The following MAGI2 variants were observed in gnomAD, a reference collection of about 807,000 sequenced individuals.
MAGI2 encodes the protein membrane-associated guanylate kinase, WW and PDZ domain-containing protein 2.
A neutral mutation model predicts 133.3 loss-of-function variants in MAGI2; 35 were observed. The observed-to-expected ratio is 0.26, with a 90% confidence interval of 0.20 to 0.35. MAGI2 has a LOEUF of 0.35. MAGI2 is among the 10% of genes least tolerant of loss of function. The probability of loss-of-function intolerance (pLI) is 1.00; values close to 1 mark genes in which losing one functional copy is unlikely to be tolerated. For synonymous variants in MAGI2, 729 were observed against 710.6 expected, an observed-to-expected ratio of 1.03 and a Z score of -0.41; for missense variants, 1,636 against 1,863.4, an observed-to-expected ratio of 0.88 and a Z score of 2.25.
In MAGI2 at chr7:79,219,056, A is replaced by G. The variant is rs189548355; in HGVS notation, c.302-211850T>C. ...TTGCATGCAACTAAGAACATTACCAATAGCATTTTCTTTTGAAATACTAAT... is the reference window on the plus strand; with the variant it reads ...TTGCATGCAACTAAGAACATTACCAGTAGCATTTTCTTTTGAAATACTAAT... On this transcript the variant is annotated intron_variant, in intron 1 of 21. Coordinates refer to ENST00000354212, the MANE Select transcript of MAGI2 (RefSeq NM_012301.4). 4.0e-4 allele frequency among the ~76,000 whole-genome samples: 61 copies of G among 152,196 alleles called. No homozygotes were observed. The East Asian group carries it at 0.011, about 28-fold the overall frequency.
At chr7:79,438,656 T>C (rs1482804768) in intron 1 of MAGI2, among the ~76,000 whole-genome samples, 2 of 152,012 alleles carry the variant, frequency 1.3e-5, no homozygotes, top group Non-Finnish European at 2.9e-5. Context: ...GCCTAGTGCC[T>C]CCCCTTCACC....
intron 2 of MAGI2, among the ~76,000 whole-genome samples, chr7:78,858,654 G>A (rs925075275): frequency 4.6e-5 from 7 of 152,158 alleles, no homozygotes; most frequent in Non-Finnish European, 7.3e-5. Flanking sequence ...CATTTGCTGA[G>A]GACTGCTTTA....
chr7:79,207,253 C>G (rs369150316), intron 1 of MAGI2, among the ~76,000 whole-genome samples: 1 of 151,834 alleles, frequency 6.6e-6, no homozygotes, highest in African/African-American at 2.4e-5. Context: ...TAAAAGTGAT[C>G]CAAATTGGAA....
chr7:78,231,702 T>A (rs1466576545), intron 10 of MAGI2, among the ~76,000 whole-genome samples: 1 of 152,138 alleles, frequency 6.6e-6, no homozygotes, highest in Admixed American at 6.5e-5. Context: ...ACACCTGAAG[T>A]AAACAAGCTC....
chr7:79,070,064 A>C (rs1159887767), intron 1 of MAGI2, among the ~76,000 whole-genome samples: 1 of 152,072 alleles, frequency 6.6e-6, no homozygotes, highest in Non-Finnish European at 1.5e-5. Context: ...ACCTTTGTGA[A>C]TCTAATGATT....
At chr7:78,480,472 A>G (rs950782855) in intron 6 of MAGI2, among the ~76,000 whole-genome samples, 2 of 151,900 alleles carry the variant, frequency 1.3e-5, no homozygotes, top group Non-Finnish European at 2.9e-5. Flanking sequence ...ACACATAGAC[A>G]CAAAAATCCT....
intron 1 of MAGI2, among the ~76,000 whole-genome samples, chr7:79,076,925 C>T (rs17151932): frequency 0.036 from 5,523 of 152,196 alleles, 216 homozygotes; most frequent in African/African-American, 0.097. Flanking sequence ...GTTAGAAGGG[C>T]AATTCCTGGT....
chr7:78,393,397 C>T lies in MAGI2; in HGVS notation c.1046-24184G>A, dbSNP rs544315675. Among the ~76,000 whole-genome samples, 15 of 152,282 alleles carry T rather than the reference C, an allele frequency of 9.9e-5. No homozygotes were observed. In the East Asian group the frequency reaches 2.9e-3, roughly 29 times the overall value. ...AGTTAGTTTCTGTGGGCAGCTGTGG[C>T]AGTTTGGCCAGAGACAGCAGTGTCT... On this transcript the variant is annotated intron_variant, in intron 6 of 21. Coordinates refer to ENST00000354212, the MANE Select transcript of MAGI2 (RefSeq NM_012301.4).
chr7:78,067,756 TGACTGAAGGTC>T lies in MAGI2; in HGVS notation c.3706+11180_3706+11190del, dbSNP rs759391339. On this transcript the variant is annotated intron_variant, in intron 21 of 21. Transcript: ENST00000354212. ...CATTATATGACTTTATTTCTGATCC[TGACTGAAGGTC>T]TATAGTTAAATATTGGGAGTTCTTA... 4.6e-5 allele frequency among the ~76,000 whole-genome samples: 7 copies of T among 152,376 alleles called. No homozygotes were observed. In the South Asian group the frequency reaches 6.2e-4, roughly 14 times the overall value.
chr7:78,555,765 T>G (rs771683979), intron 3 of MAGI2, among the ~76,000 whole-genome samples: 55 of 152,178 alleles, frequency 3.6e-4, no homozygotes, highest in Non-Finnish European at 7.1e-4. Flanking sequence ...TTTTAGTCAA[T>G]GACTACACTT....
intron 2 of MAGI2, among the ~76,000 whole-genome samples, chr7:78,661,793 C>T (rs1015340311): frequency 9.9e-5 from 15 of 152,276 alleles, no homozygotes; most frequent in African/African-American, 3.6e-4. Flanking sequence ...GCTACTTCTG[C>T]CAACTCATAA....
At chr7:79,136,255 A>T (rs1387648487) in intron 1 of MAGI2, among the ~76,000 whole-genome samples, 1 of 152,210 alleles carries the variant, frequency 6.6e-6, no homozygotes, top group East Asian at 1.9e-4. Context: ...ACTATGTACA[A>T]GGTAAAAGGT....
intron 3 of MAGI2, among the ~76,000 whole-genome samples, chr7:78,580,714 A>G (rs1336923568): frequency 6.6e-6 from 1 of 152,214 alleles, no homozygotes; most frequent in Non-Finnish European, 1.5e-5. Flanking sequence ...ATGCCTACGT[A>G]TAGCCCATTC....
At chr7:79,171,098 C>T (rs952771826) in intron 1 of MAGI2, among the ~76,000 whole-genome samples, 3 of 152,082 alleles carry the variant, frequency 2.0e-5, no homozygotes, top group Non-Finnish European at 4.4e-5. Context: ...GCTGCCATTA[C>T]AAAGTACCAT....
chr7:79,167,594 G>A (rs2191809), intron 1 of MAGI2, among the ~76,000 whole-genome samples: 8,857 of 151,366 alleles, frequency 0.059, 506 homozygotes, highest in East Asian at 0.15. Context: ...TCATTGTTAC[G>A]TGGTGAAATA....
At chr7:78,344,223 A>G (rs1308993113) in intron 8 of MAGI2, among the ~76,000 whole-genome samples, 3 of 152,214 alleles carry the variant, frequency 2.0e-5, no homozygotes, top group East Asian at 3.9e-4. Flanking sequence ...GTTTCCACTC[A>G]TTAAGTTAGC....
At chr7:78,359,742 A>G (rs529803490) in intron 7 of MAGI2, among the ~76,000 whole-genome samples, 1 of 152,364 alleles carries the variant, frequency 6.6e-6, no homozygotes, top group African/African-American at 2.4e-5. Context: ...TGCTTTAAAA[A>G]TTTTAAGTAT....
At chr7:79,035,145 C>A (rs1225571166) in intron 1 of MAGI2, among the ~76,000 whole-genome samples, 1 of 135,686 alleles carries the variant, frequency 7.4e-6, no homozygotes, top group Non-Finnish European at 1.5e-5. Context: ...ATCTACTTTC[C>A]AAACACATGA....
At chr7:78,727,053 G>A (rs941888498) in intron 2 of MAGI2, among the ~76,000 whole-genome samples, 1 of 152,082 alleles carries the variant, frequency 6.6e-6, no homozygotes, top group African/African-American at 2.4e-5. Context: ...CTATGTATCA[G>A]CAGCTTTTTC....
Sources: gnomAD v4.1 joint callset for allele counts (sites outside exome capture counted in the v4.1 genomes callset) on GRCh38, gnomAD v4.1.1 for gene constraint, MANE v1.5 for transcripts, NCBI Gene and HGNC (gene_info 2026-07-23, HGNC 2026-07-21) for gene names.